Variants in MYO16 observed in about 807,000 individuals in gnomAD.
MYO16 encodes the protein unconventional myosin-XVI.
A neutral mutation model predicts 205.3 loss-of-function variants in MYO16; 94 were observed. That is an observed-to-expected ratio of 0.46 (90% CI 0.39 to 0.54). MYO16 has a LOEUF of 0.54. Among genes scored for constraint, MYO16 ranks in the 20% least tolerant of loss-of-function variants. The pLI, the probability that MYO16 is intolerant of heterozygous loss-of-function variation, is 0.00. For missense variants in MYO16, 2,315 were observed against 2,387.5 expected (o/e 0.97, Z 0.63); for synonymous variants, 988 against 954.0 (o/e 1.04, Z -0.66).
chr13:108,641,823 C>T (rs1484153343), intron 1 of MYO16, among the ~76,000 whole-genome samples: 2 of 152,156 alleles, frequency 1.3e-5, no homozygotes, highest in Non-Finnish European at 2.9e-5. Context: ...AAGCACATCA[C>T]CTGTGATGTA....
intron 23 of MYO16, among the ~76,000 whole-genome samples, chr13:109,031,909 A>C (rs946915352): frequency 2.6e-5 from 4 of 152,192 alleles, no homozygotes; most frequent in Non-Finnish European, 4.4e-5. Flanking sequence ...TGGAAAGTGA[A>C]GTCTCCTCAT....
chr13:109,039,444 C>T (rs995989021), intron 23 of MYO16, among the ~76,000 whole-genome samples: 2 of 152,092 alleles, frequency 1.3e-5, no homozygotes, highest in South Asian at 4.1e-4. Flanking sequence ...ACTATCTGCT[C>T]GGCCGTAAAG....
At position 109,133,537 on chromosome 13, in the gene MYO16, T is replaced by A. The variant is rs151270632; in HGVS notation, c.4051+5987T>A. On this transcript the variant is annotated intron_variant, in intron 31 of 34. Transcript: ENST00000457511. ...TGTTGATCTCCTAACGTGACACACA[T>A]GTCCGTATCATTCTGCAGCAGTTCA... Among the ~76,000 whole-genome samples, 500 of 152,282 alleles carry A rather than the reference T, an allele frequency of 3.3e-3. 9 individuals are homozygous for A. Among genetic ancestry groups the A allele is most frequent in the Admixed American group, 0.025 (388 of 15,304 alleles).
chr13:108,929,825 A>T (rs1162964688), intron 16 of MYO16, among the ~76,000 whole-genome samples: 2 of 152,198 alleles, frequency 1.3e-5, no homozygotes, highest in African/African-American at 4.8e-5. Context: ...CTATTCACTG[A>T]TGTGTCTCCT....
At chr13:108,711,244 C>T (rs545587340) in intron 2 of MYO16, among the ~76,000 whole-genome samples, 4 of 152,218 alleles carry the variant, frequency 2.6e-5, no homozygotes, top group Admixed American at 6.5e-5. Flanking sequence ...GAATACGACA[C>T]GAGCTGTCAG....
chr13:108,809,797 C>G (rs1887229493), intron 7 of MYO16, among the ~76,000 whole-genome samples: 1 of 152,192 alleles, frequency 6.6e-6, no homozygotes, highest in Non-Finnish European at 1.5e-5. Context: ...CCATGGCCTT[C>G]TCACTGGAAT....
At chr13:109,001,260 C>T (rs1205715638) in intron 21 of MYO16, among the ~76,000 whole-genome samples, 3 of 151,340 alleles carry the variant, frequency 2.0e-5, no homozygotes, top group African/African-American at 4.9e-5. Flanking sequence ...AAAACAAATA[C>T]GGCAGCCTGG....
At chr13:108,698,292 T>A (rs899014205) in intron 2 of MYO16, among the ~76,000 whole-genome samples, 2 of 152,184 alleles carry the variant, frequency 1.3e-5, no homozygotes, top group African/African-American at 4.8e-5. Context: ...GGAGGTAATG[T>A]TCAGAAAAGG....
intron 3 of MYO16, among the ~76,000 whole-genome samples, chr13:108,720,411 C>G (rs1255130959): frequency 1.3e-5 from 2 of 152,186 alleles, no homozygotes; most frequent in Non-Finnish European, 2.9e-5. Context: ...TTGTCCGCTA[C>G]TTTTCTTCTC....
chr13:108,718,166 A>C (rs1477134179), intron 3 of MYO16, among the ~76,000 whole-genome samples: 1 of 152,160 alleles, frequency 6.6e-6, no homozygotes, highest in Non-Finnish European at 1.5e-5. Context: ...TGTATTTTGT[A>C]AAGAGGCAGA....
chr13:108,730,309 T>C (rs1268037157), intron 4 of MYO16, among the ~76,000 whole-genome samples: 2 of 152,180 alleles, frequency 1.3e-5, no homozygotes, highest in Non-Finnish European at 2.9e-5. Flanking sequence ...TCCACCATGA[T>C]TGTAAGTTTC....
At chr13:109,131,912 G>GA (rs1438021063) in intron 31 of MYO16, among the ~76,000 whole-genome samples, 53 of 152,302 alleles carry the variant, frequency 3.5e-4, no homozygotes, top group African/African-American at 1.3e-3. Context: ...TTGAAGAAGT[G>GA]ACTCAGTCTT....
intron 28 of MYO16, among the ~76,000 whole-genome samples, chr13:109,116,052 C>T (rs1215635662): frequency 6.6e-6 from 1 of 152,122 alleles, no homozygotes; most frequent in African/African-American, 2.4e-5. Flanking sequence ...TGCCAACCCA[C>T]AAATAAATTA....
At chr13:109,067,470 A>G (rs923176901) in intron 27 of MYO16, among the ~76,000 whole-genome samples, 6 of 152,144 alleles carry the variant, frequency 3.9e-5, no homozygotes, top group Non-Finnish European at 7.3e-5. Context: ...TCTAACCACT[A>G]CAGGACATGA....
intron 2 of MYO16, among the ~76,000 whole-genome samples, chr13:108,699,611 C>G (rs1883223160): frequency 6.6e-6 from 1 of 152,146 alleles, no homozygotes; most frequent in Non-Finnish European, 1.5e-5. Context: ...AATACTGTCA[C>G]TTTACATCTG....
intron 2 of MYO16, among the ~76,000 whole-genome samples, chr13:108,683,391 T>C: frequency 6.6e-6 from 1 of 152,110 alleles, no homozygotes; most frequent in East Asian, 1.9e-4. Context: ...CAGTAAGAAT[T>C]ACTGATTAAT....
chr13:109,074,464 G>C (rs191797330), intron 27 of MYO16, among the ~76,000 whole-genome samples: 2 of 152,314 alleles, frequency 1.3e-5, no homozygotes, highest in Non-Finnish European at 2.9e-5. Flanking sequence ...GGAGAAGCAG[G>C]CATGTCTTAT....
At chr13:108,971,625 A>G (rs1195452927) in intron 20 of MYO16, among the ~76,000 whole-genome samples, 1 of 151,734 alleles carries the variant, frequency 6.6e-6, no homozygotes, top group Non-Finnish European at 1.5e-5. Flanking sequence ...TTTCTAACAT[A>G]TATATGGAGA....
intron 16 of MYO16, among the ~76,000 whole-genome samples, chr13:108,934,114 A>G (rs1265724967): frequency 3.9e-5 from 6 of 152,088 alleles, no homozygotes; most frequent in Non-Finnish European, 7.4e-5. Context: ...TGGATAACAA[A>G]GGAAATGGTG....
Sources: allele counts gnomAD v4.1 joint callset (sites outside exome capture counted in the v4.1 genomes callset), GRCh38; gene constraint gnomAD v4.1.1; transcripts MANE v1.5; gene names NCBI Gene and HGNC (gene_info 2026-07-23, HGNC 2026-07-21).